Variants in DLG5 observed in about 807,000 individuals in gnomAD.
DLG5 encodes the protein disks large homolog 5.
DLG5 carries 48 observed loss-of-function variants against 189.8 expected under a neutral mutation model. The ratio of observed to expected loss-of-function variants is 0.25; its 90% CI spans 0.20 to 0.32. DLG5 has a LOEUF of 0.32. Ranked by LOEUF, DLG5 falls within the 10% of genes least tolerant of loss-of-function variation. The pLI is 1.00. For synonymous variants in DLG5, 1,016 were observed against 1,054.1 expected (o/e 0.96, Z 0.70); for missense variants, 2,160 against 2,544.7 (o/e 0.85, Z 3.25).
intron 2 of DLG5, among the ~76,000 whole-genome samples, chr10:77,865,383 C>A (rs1844634050): frequency 6.6e-6 from 1 of 152,168 alleles, no homozygotes; most frequent in Non-Finnish European, 1.5e-5. Context: ...CCACCTTCCC[C>A]TGTCAACCAG....
rs187172352 is a variant in DLG5 at position 77,809,125 on chromosome 10, G to A, written c.4647+422C>T. Among the ~76,000 whole-genome samples the A allele has an allele frequency of 5.8e-4, 87 of 149,920 alleles. 1 individual carries two copies. The highest frequency in any genetic ancestry group is 2.0e-3 in the African/African-American group (81 of 40,654). On this transcript the variant is annotated intron_variant, in intron 24 of 31. Transcript: ENST00000372391. ...AAAAAAAAAAAAAAATCAATCCTGA[G>A]GCTGGACACGGTAGCTCATGCCTAT... is the stretch of plus-strand genomic sequence containing the variant.
At chr10:77,916,256 CT>C in intron 1 of DLG5, among the ~76,000 whole-genome samples, 1 of 152,132 alleles carries the variant, frequency 6.6e-6, no homozygotes, top group East Asian at 1.9e-4. Context: ...CTGAACTGTC[CT>C]AAGACTTTCC....
rs574857825 is a variant in DLG5, at chr10:77,812,361, G to A, written c.4042C>T (p.Pro1348Ser). ...CCCTTCTGCACCTTCACGTGGCGTG[G>A]CTCCTCCACATAAGGCCTAAGGAAA... The part of the protein sequence containing the change: ...RRKDRPYVEE[P>S]RHVKVQKGSE... Residue 1348 changes from proline (P) to serine (S), a missense_variant, in exon 21 of 32, where the codon CCA (proline) becomes TCA (serine). Physicochemically the swap from Pro to Ser is moderately conservative, Grantham distance 74 (BLOSUM62 -1). Coordinates refer to ENST00000372391, the MANE Select transcript of DLG5 (RefSeq NM_004747.4). 1.2e-6 allele frequency: 2 copies of A among 1,612,954 alleles called. No homozygotes were observed. Among genetic ancestry groups the A allele is most frequent in the South Asian group, 1.1e-5 (1 of 91,078 alleles).
the DLG5 span, among the ~76,000 whole-genome samples, chr10:77,934,842 C>CTTTTTTTTTTTTTT: frequency 8.3e-5 from 12 of 145,102 alleles, 1 homozygote; most frequent in African/African-American, 3.2e-4. Context: ...GGGTGCTGTT[C>CTTTTTTTTTTTTTT]TTTTTTTTTG....
intron 9 of DLG5, among the ~76,000 whole-genome samples, chr10:77,833,546 AGTGAGTG>A (rs1842976813): frequency 1.4e-4 from 2 of 13,798 alleles, no homozygotes; most frequent in Non-Finnish European, 2.5e-4. Context: ...AATCTCTGCG[AGTGAGTG>A]AGTGAGTGAG....
intron 25 of DLG5, among the ~76,000 whole-genome samples, chr10:77,807,438 G>A (rs1389848924): frequency 3.3e-5 from 5 of 152,282 alleles, no homozygotes; most frequent in Non-Finnish European, 1.5e-5. Flanking sequence ...ACAGTAGTAA[G>A]GGCACTGAAG....
chr10:77,816,302 T>A (rs1219964767), intron 20 of DLG5: 1 of 700,052 alleles, frequency 1.4e-6, no homozygotes, highest in African/African-American at 1.7e-5. Context: ...GATGGCACGA[T>A]CACCGTCAGG....
chr10:77,898,167 A>T (rs1232853398), intron 1 of DLG5, among the ~76,000 whole-genome samples: 1 of 152,214 alleles, frequency 6.6e-6, no homozygotes, highest in Non-Finnish European at 1.5e-5. Context: ...CACATGGCTC[A>T]CTTGGCCACC....
intron 7 of DLG5, among the ~76,000 whole-genome samples, chr10:77,838,579 C>T (rs1168660141): frequency 6.6e-6 from 1 of 152,210 alleles, no homozygotes; most frequent in Non-Finnish European, 1.5e-5. Flanking sequence ...ACTCAGAACA[C>T]AGAAGGGAGA....
rs1009786280 is a variant in DLG5 at position 77,926,703 on chromosome 10, C to T, written c.-183G>A. 5.5e-6 allele frequency: 1 copy of T among 183,352 alleles called. No individual in the cohort carries two copies. The highest frequency in any genetic ancestry group is 2.4e-5 in the African/African-American group (1 of 41,748). 11.4% of individuals were successfully genotyped at this position (183,352 alleles called of 1,614,324 possible). ...GCGGCGGGCGGCGCTCAGCAGCGGC[C>T]GCCTCCCGGGCTCCGGAGCGCAGCC... On this transcript the variant is annotated 5_prime_UTR_variant, in exon 1 of 32. Transcript: ENST00000372391. The surrounding 1 kb of genome is among the most constrained non-coding windows in gnomAD (Gnocchi z 5.2).
chr10:77,803,886 ATTTT>A (rs71030905), intron 27 of DLG5, among the ~76,000 whole-genome samples: 170 of 129,362 alleles, frequency 1.3e-3, no homozygotes, highest in Middle Eastern at 4.1e-3. Context: ...ACAGGTTGGC[ATTTT>A]TTTTTTTTTT....
chr10:77,934,848 T>TTTG, the DLG5 span, among the ~76,000 whole-genome samples: 56 of 133,244 alleles, frequency 4.2e-4, no homozygotes, highest in African/African-American at 1.8e-3. Flanking sequence ...TGTTCTTTTT[T>TTTG]TTTGTTTTTT....
chr10:77,809,586 C>T lies in DLG5; in HGVS notation c.4608G>A (p.Lys1536=), dbSNP rs369764659. The T allele has an allele frequency of 6.8e-6, 11 of 1,614,020 alleles. No individual in the cohort carries two copies. The African/African-American group carries it at 1.3e-4, about 20-fold the overall frequency. Residue 1536 remains lysine, a synonymous_variant, in exon 24 of 32, where the codon AAG becomes AAA. Transcript: ENST00000372391. ...CCCCTGGCACGAGGCCGTCAGGACC[C>T]TTGGCAGGACTGTCATCCTCCACCT... ...VAEVEDDSPA[K]GPDGLVPGDL...
chr10:77,900,293 C>T (rs1845885457), intron 1 of DLG5, among the ~76,000 whole-genome samples: 1 of 152,144 alleles, frequency 6.6e-6, no homozygotes, highest in African/African-American at 2.4e-5. Flanking sequence ...CTCCCTGACC[C>T]AGCCACTGTC....
At chr10:77,875,237 A>G (rs1173648329) in intron 1 of DLG5, among the ~76,000 whole-genome samples, 1 of 152,192 alleles carries the variant, frequency 6.6e-6, no homozygotes, top group African/African-American at 2.4e-5. Context: ...GCAGTCAGAG[A>G]GGACTTCATG....
intron 16 of DLG5, 116 bp from the exon 17 acceptor site, chr10:77,819,581 G>T: frequency 7.3e-7 from 1 of 1,371,438 alleles, no homozygotes; most frequent in Non-Finnish European, 9.7e-7. Flanking sequence ...AAAAGGACTT[G>T]GGAGATGAGT....
chr10:77,820,994 C>A, intron 15 of DLG5, 88 bp downstream of exon 15: 1 of 1,487,726 alleles, frequency 6.7e-7, no homozygotes, highest in Non-Finnish European at 8.9e-7. Context: ...GGGCCTGGGA[C>A]ACTGGTGCAG....
chr10:77,798,113 G>A (rs1841016084), intron 27 of DLG5, among the ~76,000 whole-genome samples: 1 of 152,178 alleles, frequency 6.6e-6, no homozygotes, highest in South Asian at 2.1e-4. Context: ...CTTGAACCCA[G>A]GAGGCGGAGG....
In DLG5 at chr10:77,821,587, T is replaced by G. The variant is rs761346474; in HGVS notation, c.2897A>C (p.Lys966Thr). 1 of 1,613,046 alleles carries G rather than the reference T, an allele frequency of 6.2e-7. No individual in the cohort carries two copies. Among genetic ancestry groups the G allele is most frequent in the Non-Finnish European group, 8.5e-7 (1 of 1,180,026 alleles). The change falls in exon 15 of 32, where the codon AAG becomes ACG. Residue 966 changes from lysine (K) to threonine (T), a missense_variant. Lys to Thr is a moderately conservative substitution (Grantham distance 78). Around this residue, in one of 5 missense-constraint regions of DLG5, gnomAD observed 754 missense variants for 746.5 expected, o/e 1.01. Transcript: ENST00000372391. The stretch of plus-strand genomic sequence containing the variant: ...AAAGATGGACTTTCTTTGCTTTGGC[T>G]TTTTATAAACAGAGAGCTTCTCAGG... ...AVPEKLSVYK[K>T]PKQRKSIFDP...
Sources: allele counts gnomAD v4.1 joint callset (sites outside exome capture counted in the v4.1 genomes callset), GRCh38; gene constraint gnomAD v4.1.1; regional missense constraint gnomAD v4.1.1; non-coding constraint Gnocchi (gnomAD v3.1); transcripts MANE v1.5; gene names NCBI Gene and HGNC (gene_info 2026-07-23, HGNC 2026-07-21).